MCM6: variants seen among roughly 807,000 people sequenced by gnomAD.
MCM6 encodes DNA replication licensing factor MCM6.
In MCM6, 46 loss-of-function variants were observed where a neutral mutation model predicts 94.3. That is an observed-to-expected ratio of 0.49 (90% CI 0.39 to 0.62). MCM6 has a LOEUF of 0.62. Ranked by LOEUF, MCM6 falls within the 20% of genes least tolerant of loss-of-function variation. The pLI is 0.00. For synonymous variants in MCM6, 335 were observed against 351.9 expected (o/e 0.95, Z 0.54); for missense variants, 865 against 1,017.9 (o/e 0.85, Z 2.04).
At chr2:135,865,286 T>A (rs2105588197) in intron 6 of MCM6, 123 bp from the exon 7 acceptor site, 1 of 621,164 alleles carries the variant, frequency 1.6e-6, no homozygotes, top group Non-Finnish European at 2.4e-6. Flanking sequence ...TTATTGACTG[T>A]AAAGGTTTAA....
intron 7 of MCM6, among the ~76,000 whole-genome samples, chr2:135,864,254 A>G (rs534323105): frequency 6.6e-6 from 1 of 152,364 alleles, no homozygotes; most frequent in South Asian, 2.1e-4. Context: ...CACAGCTTGC[A>G]ACCAAGAGTC....
chr2:135,861,903 A>G (rs1442305738), intron 8 of MCM6, among the ~76,000 whole-genome samples: 1 of 152,214 alleles, frequency 6.6e-6, no homozygotes, highest in Non-Finnish European at 1.5e-5. Context: ...GGCGTGAGCC[A>G]TGGCACCCGG....
At chr2:135,863,723 TA>T in intron 7 of MCM6, among the ~76,000 whole-genome samples, 1 of 147,156 alleles carries the variant, frequency 6.8e-6, no homozygotes, top group African/African-American at 2.5e-5. Context: ...AGTAAGACCC[TA>T]ACAAAACAAA....
At position 135,844,670 on chromosome 2, in the gene MCM6, C is replaced by T; in HGVS notation, c.2224G>A (p.Ala742Thr). The T allele has an allele frequency of 1.9e-6, 3 of 1,571,240 alleles. No homozygotes were observed. Among genetic ancestry groups the T allele is most frequent in the Admixed American group, 1.9e-5 (1 of 51,956 alleles). ...RKVEEEEDES[A>T]LKRSELVNWY... Reference sequence around the variant, plus strand: ...TTAACAAGCTCGCTCCTCTTTAATGCTGACTCGTCCTCTTCTGCAACAAAA... The same window carrying T: ...TTAACAAGCTCGCTCCTCTTTAATGTTGACTCGTCCTCTTCTGCAACAAAA... Residue 742 changes from alanine (A) to threonine (T), a missense_variant, in exon 16 of 17, where the codon GCA (alanine) becomes ACA (threonine). Transcript: ENST00000264156.
At chr2:135,867,545 A>T (rs1040717415) in intron 4 of MCM6, among the ~76,000 whole-genome samples, 2 of 152,228 alleles carry the variant, frequency 1.3e-5, no homozygotes, top group Admixed American at 1.3e-4. Context: ...ATCTGATAAT[A>T]ATTATTCCAT....
In MCM6 at chr2:135,872,831, G is replaced by T. The variant is rs150079280; in HGVS notation, c.120C>A (p.Ser40Arg). The change falls in exon 2 of 17, where the codon AGC (serine) becomes AGA (arginine). Residue 40 changes from serine (S) to arginine (R), a missense_variant. Physicochemically the swap from Ser to Arg is moderately radical, Grantham distance 110. This residue lies in a region of MCM6 where 404 missense variants were observed against 451.9 expected (regional missense o/e 0.89). Coordinates refer to ENST00000264156, the MANE Select transcript of MCM6 (RefSeq NM_005915.6). ...FLDFLEEFQS[S>R]DGEIKYLQLA... ...ATTGCAAGTATTTAATTTCTCCATC[G>T]CTGCTCTGAAACCTGCAGGTACATT... is the stretch of plus-strand genomic sequence containing the variant. The T allele has an allele frequency of 6.1e-4, 980 of 1,613,848 alleles. 3 individuals are homozygous for T. The highest frequency in any genetic ancestry group is 9.9e-4 in the Middle Eastern group (6 of 6,060).
chr2:135,851,712 G>A (rs986794546), intron 12 of MCM6, 149 bp from the exon 13 acceptor site: 8 of 514,870 alleles, frequency 1.6e-5, no homozygotes, highest in Admixed American at 1.1e-4. Flanking sequence ...AATTACTATT[G>A]TAATGTCTTT....
At chr2:135,855,648 A>G (rs1679859624) in intron 11 of MCM6, among the ~76,000 whole-genome samples, 2 of 152,184 alleles carry the variant, frequency 1.3e-5, no homozygotes, top group South Asian at 4.1e-4. Context: ...ACAGAGTAAG[A>G]CTTTGTCTTT....
chr2:135,875,943 T>C (rs1223596244), intron 1 of MCM6, among the ~76,000 whole-genome samples: 1 of 152,196 alleles, frequency 6.6e-6, no homozygotes, highest in Non-Finnish European at 1.5e-5. Context: ...GAGCCCAGGT[T>C]TCCGCGCCGG....
chr2:135,870,300 G>C lies in MCM6; in HGVS notation c.316C>G (p.Leu106Val). Residue 106 changes from leucine (L) to valine (V), a missense_variant, in exon 3 of 17, where the codon CTT (leucine) becomes GTT (valine). Around this residue, in one of 3 missense-constraint regions of MCM6, gnomAD observed 404 missense variants for 451.9 expected, o/e 0.89. Coordinates refer to ENST00000264156, the MANE Select transcript of MCM6 (RefSeq NM_005915.6). ...AATGCAACATAAAAATCCTTGGCAAGAGGGATCTCTTTACGGTCTTTGACG... is the reference window on the plus strand; with the variant it reads ...AATGCAACATAAAAATCCTTGGCAACAGGGATCTCTTTACGGTCTTTGACG... ...TFVKDRKEIPLAKDFYVAFQD... is the reference protein window; with the variant it reads ...TFVKDRKEIPVAKDFYVAFQD... The C allele has an allele frequency of 6.2e-7, 1 of 1,614,002 alleles. No homozygotes were observed. Among genetic ancestry groups the C allele is most frequent in the East Asian group, 2.2e-5 (1 of 44,866 alleles).
Position 135,846,382 on chromosome 2 carries a change from G to C in MCM6, c.2064C>G (p.Asp688Glu), listed in dbSNP as rs1447310299. Reference sequence around the variant, plus strand: ...TGATCCCGTTCACAGGAGCAGGGCTGTCAGCATGACCTAAGTGAAAAATTG... The same window carrying C: ...TGATCCCGTTCACAGGAGCAGGGCTCTCAGCATGACCTAAGTGAAAAATTG... ...EGAGGINGHADSPAPVNGING... is the reference protein window; with the variant it reads ...EGAGGINGHAESPAPVNGING... Residue 688 changes from aspartate (D) to glutamate (E), a missense_variant, in exon 15 of 17, where the codon GAC (aspartate) becomes GAG (glutamate). Around this residue, in one of 3 missense-constraint regions of MCM6, gnomAD observed 308 missense variants for 324.5 expected, o/e 0.95. Coordinates refer to ENST00000264156, the MANE Select transcript of MCM6 (RefSeq NM_005915.6). The C allele has an allele frequency of 2.5e-6, 4 of 1,614,052 alleles. No individual in the cohort carries two copies. Among genetic ancestry groups the C allele is most frequent in the South Asian group, 1.1e-5 (1 of 91,064 alleles).
chr2:135,875,489 C>T (rs1182914600), intron 1 of MCM6, among the ~76,000 whole-genome samples: 1 of 152,010 alleles, frequency 6.6e-6, no homozygotes, highest in Non-Finnish European at 1.5e-5. Context: ...GTATATTTTA[C>T]TAAAAAAGAA....
chr2:135,851,296 TA>T, intron 13 of MCM6, 105 bp downstream of exon 13: 1 of 854,754 alleles, frequency 1.2e-6, no homozygotes. Context: ...AACAGTTACA[TA>T]AAAATGTATT....
At chr2:135,869,036 T>C (rs1231105028) in intron 3 of MCM6, among the ~76,000 whole-genome samples, 176 bp from the exon 4 acceptor site, 1 of 152,128 alleles carries the variant, frequency 6.6e-6, no homozygotes. Context: ...TCCTAAATTA[T>C]ATGACGTATA....
In MCM6 at chr2:135,840,745, A is replaced by T; in HGVS notation, c.*90T>A. The T allele has an allele frequency of 1.2e-6, 1 of 818,082 alleles. No individual in the cohort carries two copies. Among genetic ancestry groups the T allele is most frequent in the Non-Finnish European group, 2.1e-6 (1 of 486,580 alleles). The allele number at this position is 818,082 out of a possible 1,614,324, so 50.7% of individuals were successfully genotyped here. ...TCCTGGAAGCATCACTTCCAGAAACACTTCTGTCCCTAGCAGAGCTCCAGC... is the reference window on the plus strand; with the variant it reads ...TCCTGGAAGCATCACTTCCAGAAACTCTTCTGTCCCTAGCAGAGCTCCAGC... On this transcript the variant is annotated 3_prime_UTR_variant, in exon 17 of 17. Transcript: ENST00000264156.
At chr2:135,874,834 T>A (rs1048146983) in intron 1 of MCM6, among the ~76,000 whole-genome samples, 2 of 152,244 alleles carry the variant, frequency 1.3e-5, no homozygotes, top group Non-Finnish European at 2.9e-5. Flanking sequence ...CAGACAATGT[T>A]ATTTAGCCTT....
At chr2:135,863,723 T>TAACAAAACAAACAA (rs1553438973) in intron 7 of MCM6, among the ~76,000 whole-genome samples, 2 of 147,034 alleles carry the variant, frequency 1.4e-5, no homozygotes, top group African/African-American at 5.1e-5. Context: ...AGTAAGACCC[T>TAACAAAACAAACAA]AACAAAACAA....
rs199911835 is a variant in MCM6, at chr2:135,844,923, GATT to G, written c.2210-242_2210-240del. Among the ~76,000 whole-genome samples, 24 of 152,324 alleles carry G rather than the reference GATT, an allele frequency of 1.6e-4. 3 individuals are homozygous for G. Among genetic ancestry groups the G allele is most frequent in the African/African-American group, 5.5e-4 (23 of 41,568 alleles). On this transcript the variant is annotated intron_variant, in intron 15 of 16. Coordinates refer to ENST00000264156, the MANE Select transcript of MCM6 (RefSeq NM_005915.6). ...ATAAGGAGAGAAACCTAATAAAATA[GATT>G]ATAAGAAATATGTTTCTTAAAGCTA...
chr2:135,849,518 A>G (rs928607872), intron 13 of MCM6, among the ~76,000 whole-genome samples: 3 of 152,220 alleles, frequency 2.0e-5, no homozygotes, highest in Non-Finnish European at 4.4e-5. Flanking sequence ...TATACTGATA[A>G]AAAAATACCA....
Sources: allele counts gnomAD v4.1 joint callset (sites outside exome capture counted in the v4.1 genomes callset), GRCh38; gene constraint gnomAD v4.1.1; regional missense constraint gnomAD v4.1.1; transcripts MANE v1.5; gene names NCBI Gene and HGNC (gene_info 2026-07-23, HGNC 2026-07-21).